The following LINGO2 variants were observed in gnomAD, a reference collection of about 807,000 sequenced individuals.
The protein encoded by LINGO2 is leucine rich repeat and Ig domain containing 2.
LINGO2 carries 14 observed loss-of-function variants against 30.6 expected under a neutral mutation model. The observed-to-expected ratio is 0.46, with a 90% CI of 0.30 to 0.72. The LOEUF (loss-of-function observed/expected upper bound fraction) is 0.72. Among genes scored for constraint, LINGO2 ranks in the 30% least tolerant of loss-of-function variants. LINGO2 has a pLI of 0.07. For synonymous variants in LINGO2, 317 were observed against 288.5 expected (o/e 1.10, Z -1.00); for missense variants, 729 against 751.7 (o/e 0.97, Z 0.35).
At chr9:28,473,873 T>G (rs1376408006) in intron 2 of LINGO2, among the ~76,000 whole-genome samples, 1 of 152,126 alleles carries the variant, frequency 6.6e-6, no homozygotes, top group Non-Finnish European at 1.5e-5. Context: ...TTACAGCCAT[T>G]TTAAGCTAAA....
chr9:29,000,525 C>G, the LINGO2 span, among the ~76,000 whole-genome samples: 1 of 151,858 alleles, frequency 6.6e-6, no homozygotes, highest in Non-Finnish European at 1.5e-5. Context: ...TAAAAACAAA[C>G]TTACTTAAAA....
chr9:28,829,267 C>T, the LINGO2 span, among the ~76,000 whole-genome samples: 42 of 152,248 alleles, frequency 2.8e-4, 2 homozygotes, highest in South Asian at 8.7e-3. Context: ...GCCCCCTTCC[C>T]GCTGAGAGCC....
the LINGO2 span, among the ~76,000 whole-genome samples, chr9:29,206,165 AAGAC>A: frequency 6.4e-4 from 97 of 152,322 alleles, no homozygotes; most frequent in Non-Finnish European, 1.0e-3. Context: ...ATTTCTTTAA[AAGAC>A]AGAGTCATTC....
At chr9:28,659,145 A>G (rs7046685) in intron 1 of LINGO2, among the ~76,000 whole-genome samples, 27,637 of 152,058 alleles carry the variant, frequency 0.18, 3,987 homozygotes, top group African/African-American at 0.4. Flanking sequence ...CAGTGGAAAT[A>G]TAGCACTGAC....
chr9:28,376,928 G>T (rs2134604915), intron 2 of LINGO2, among the ~76,000 whole-genome samples: 1 of 152,028 alleles, frequency 6.6e-6, no homozygotes, highest in Middle Eastern at 3.4e-3. Context: ...GGCAATGATG[G>T]TATATTTCAG....
At chr9:28,738,693 T>A in the LINGO2 span, among the ~76,000 whole-genome samples, 1 of 152,102 alleles carries the variant, frequency 6.6e-6, no homozygotes, top group African/African-American at 2.4e-5. Context: ...ATTATAATAA[T>A]AGACTATGAA....
the LINGO2 span, among the ~76,000 whole-genome samples, chr9:29,126,042 A>G: frequency 6.6e-6 from 1 of 152,158 alleles, no homozygotes; most frequent in African/African-American, 2.4e-5. Flanking sequence ...TGCTTAAATG[A>G]AATTATTTGA....
rs1270678359 is a variant in LINGO2 at position 28,332,125 on chromosome 9, CT to C, written c.-245-36760del. On this transcript the variant is annotated intron_variant, in intron 3 of 5. Transcript: ENST00000379992. The stretch of plus-strand genomic sequence containing the variant: ...TTAAGTAAACTCTGAAGAAAATTCT[CT>C]GATTTTTTTAATAGACTTTATTTTT... Among the ~76,000 whole-genome samples the C allele has an allele frequency of 8.6e-5, 13 of 152,034 alleles. No homozygotes were observed. The South Asian group carries it at 2.7e-3, about 32-fold the overall frequency.
chr9:28,715,624 G>A, the LINGO2 span, among the ~76,000 whole-genome samples: 2 of 152,020 alleles, frequency 1.3e-5, no homozygotes, highest in Admixed American at 1.3e-4. Context: ...AAACCAGAAG[G>A]TCATCGTTCT....
At chr9:28,375,139 C>CA (rs1459996061) in intron 2 of LINGO2, among the ~76,000 whole-genome samples, 211 of 122,034 alleles carry the variant, frequency 1.7e-3, no homozygotes, top group Non-Finnish European at 3.0e-3. Context: ...CACACATACA[C>CA]CCCACACTAA....
the LINGO2 span, among the ~76,000 whole-genome samples, chr9:29,083,327 A>G: frequency 1.3e-5 from 2 of 152,088 alleles, no homozygotes; most frequent in African/African-American, 4.8e-5. Flanking sequence ...GCAAACTATC[A>G]CAAGGACAAA....
Position 28,187,634 on chromosome 9 carries a change from A to C in LINGO2, c.-87+107574T>G, listed in dbSNP as rs139843311. Among the ~76,000 whole-genome samples the C allele has an allele frequency of 5.9e-3, 903 of 152,254 alleles. 15 individuals carry two copies. Among genetic ancestry groups the C allele is most frequent in the African/African-American group, 0.02 (851 of 41,552 alleles). The stretch of plus-strand genomic sequence containing the variant: ...AGTAAAGAGGAGAGATTAATTTCCG[A>C]TATTTTAGGTTTGCAATGCTTATTT... On this transcript the variant is annotated intron_variant, in intron 4 of 5. Coordinates refer to ENST00000379992, the Ensembl canonical transcript of LINGO2.
At chr9:28,889,604 A>G in the LINGO2 span, among the ~76,000 whole-genome samples, 1 of 152,052 alleles carries the variant, frequency 6.6e-6, no homozygotes, top group South Asian at 2.1e-4. Context: ...TTGTTTCAGC[A>G]ATTACTGTAA....
chr9:28,140,716 A>G (rs1183986642), intron 4 of LINGO2, among the ~76,000 whole-genome samples: 1 of 151,930 alleles, frequency 6.6e-6, no homozygotes, highest in Non-Finnish European at 1.5e-5. Flanking sequence ...TTGTACACTC[A>G]TTTTCTGTAT....
intron 4 of LINGO2, among the ~76,000 whole-genome samples, chr9:28,049,264 A>G (rs1305384199): frequency 6.6e-6 from 1 of 150,754 alleles, no homozygotes; most frequent in Non-Finnish European, 1.5e-5. Context: ...ATACAAGAAT[A>G]ACCCAATATA....
chr9:28,450,488 G>A (rs1409633891), intron 2 of LINGO2, among the ~76,000 whole-genome samples: 1 of 152,032 alleles, frequency 6.6e-6, no homozygotes, highest in Admixed American at 6.6e-5. Flanking sequence ...AACATCTAGA[G>A]TAGTAGCATT....
At chr9:28,793,410 G>T in the LINGO2 span, among the ~76,000 whole-genome samples, 1 of 152,140 alleles carries the variant, frequency 6.6e-6, no homozygotes, top group South Asian at 2.1e-4. Context: ...CTGTCTCTCA[G>T]TCTTTTTCGA....
At chr9:28,107,166 A>G (rs750722270) in intron 4 of LINGO2, among the ~76,000 whole-genome samples, 20 of 152,082 alleles carry the variant, frequency 1.3e-4, no homozygotes, top group Non-Finnish European at 2.5e-4. Flanking sequence ...CTTGCACAAC[A>G]TTTAACAGAA....
the LINGO2 span, among the ~76,000 whole-genome samples, chr9:28,945,709 C>T: frequency 3.8e-4 from 58 of 152,144 alleles, no homozygotes; most frequent in African/African-American, 1.3e-3. Flanking sequence ...ATTTAAAATG[C>T]TTTCCAGGTG....
Sources: gnomAD v4.1 joint callset for allele counts (sites outside exome capture counted in the v4.1 genomes callset) on GRCh38, gnomAD v4.1.1 for gene constraint, MANE v1.5 for transcripts, NCBI Gene and HGNC (gene_info 2026-07-23, HGNC 2026-07-21) for gene names.